Variants in COL4A2 observed in about 807,000 individuals in gnomAD.
COL4A2 encodes the protein collagen type IV alpha 2 chain.
In COL4A2, 99 loss-of-function variants were observed where a neutral mutation model predicts 200.2. The ratio of observed to expected loss-of-function variants is 0.49; its 90% CI spans 0.42 to 0.58. COL4A2 has a LOEUF of 0.58. COL4A2 is among the 20% of genes least tolerant of loss of function. COL4A2 has a pLI of 0.00. For missense variants in COL4A2, 1,950 were observed against 2,314.1 expected (o/e 0.84, Z 3.23); for synonymous variants, 897 against 900.6 (o/e 1.00, Z 0.07).
chr13:110,492,695 A>G (rs1353253982), intron 38 of COL4A2, among the ~76,000 whole-genome samples: 1 of 152,262 alleles, frequency 6.6e-6, no homozygotes, highest in Non-Finnish European at 1.5e-5. Flanking sequence ...TGTTCCAAGC[A>G]GCTTTTACAA....
chr13:110,450,774 A>C (rs906579085), intron 20 of COL4A2, among the ~76,000 whole-genome samples: 3 of 152,160 alleles, frequency 2.0e-5, no homozygotes, highest in Admixed American at 6.5e-5. Context: ...CAGTCTGGAA[A>C]CAGATGTGAG....
chr13:110,465,861 C>T (rs930046265), intron 25 of COL4A2, 142 bp from the exon 26 acceptor site: 6 of 1,050,612 alleles, frequency 5.7e-6, no homozygotes, highest in South Asian at 3.3e-5. Context: ...ATGGCTTTCC[C>T]GTTCCCTGCC....
intron 4 of COL4A2, among the ~76,000 whole-genome samples, chr13:110,407,233 C>T (rs1879607445): frequency 6.6e-6 from 1 of 152,214 alleles, no homozygotes; most frequent in Admixed American, 6.5e-5. Context: ...GTGGGAGAGT[C>T]CAACCCTGCA....
chr13:110,503,352 T>G, intron 42 of COL4A2, 31 bp from the exon 43 acceptor site: 3 of 1,590,006 alleles, frequency 1.9e-6, no homozygotes, highest in African/African-American at 1.4e-5. Context: ...CCACAGACTT[T>G]CGTGTCCCTA....
At chr13:110,408,054 G>A (rs1431865052) in intron 4 of COL4A2, among the ~76,000 whole-genome samples, 2 of 152,340 alleles carry the variant, frequency 1.3e-5, no homozygotes, top group South Asian at 2.1e-4. Context: ...AAGCCGTTTG[G>A]TGTGAATGAA....
chr13:110,409,816 C>A (rs1594198379), intron 4 of COL4A2, among the ~76,000 whole-genome samples: 3 of 152,150 alleles, frequency 2.0e-5, no homozygotes, highest in African/African-American at 7.2e-5. Flanking sequence ...GTTCAGCATT[C>A]GCCCAAATAA....
At chr13:110,328,700 C>G (rs1875760718) in intron 3 of COL4A2, among the ~76,000 whole-genome samples, 1 of 152,156 alleles carries the variant, frequency 6.6e-6, no homozygotes, top group South Asian at 2.1e-4. Context: ...GAAGGTGATC[C>G]AGGGGCCCAG....
At chr13:110,471,967 G>T (rs1882485900) in intron 28 of COL4A2, among the ~76,000 whole-genome samples, 1 of 152,086 alleles carries the variant, frequency 6.6e-6, no homozygotes. Flanking sequence ...TCAGCTGTGG[G>T]AGTTCATTCT....
chr13:110,498,015 G>A (rs960935749), intron 40 of COL4A2, among the ~76,000 whole-genome samples: 2 of 150,946 alleles, frequency 1.3e-5, no homozygotes, highest in Non-Finnish European at 1.5e-5. Flanking sequence ...TGAGGATCTG[G>A]GGTCAGTCCA....
intron 6 of COL4A2, among the ~76,000 whole-genome samples, chr13:110,427,401 C>T (rs1345367169): frequency 6.6e-6 from 1 of 152,184 alleles, no homozygotes; most frequent in Non-Finnish European, 1.5e-5. Flanking sequence ...CCACCTGCCT[C>T]AGCCTCCCAA....
At chr13:110,370,862 T>G (rs191592548) in intron 4 of COL4A2, among the ~76,000 whole-genome samples, 213 of 152,368 alleles carry the variant, frequency 1.4e-3, no homozygotes, top group Non-Finnish European at 2.1e-3. Context: ...CTAGTATTTT[T>G]GGGACTTTAT....
intron 4 of COL4A2, among the ~76,000 whole-genome samples, chr13:110,369,491 AC>A (rs1366808059): frequency 6.6e-6 from 1 of 152,156 alleles, no homozygotes; most frequent in South Asian, 2.1e-4. Flanking sequence ...AGGAGCACTC[AC>A]CCTCTGATGA....
chr13:110,395,249 GCCAGTT>G (rs1166238961), intron 4 of COL4A2, among the ~76,000 whole-genome samples: 1 of 152,212 alleles, frequency 6.6e-6, no homozygotes, highest in African/African-American at 2.4e-5. Flanking sequence ...GTCCAGCAAA[GCCAGTT>G]CCCTTCAACA....
intron 21 of COL4A2, chr13:110,457,755 G>T: frequency 2.0e-6 from 1 of 506,600 alleles, no homozygotes; most frequent in Non-Finnish European, 4.0e-6. Flanking sequence ...TTCTTAGGCT[G>T]CACTCAGGTA....
intron 24 of COL4A2, 81 bp from the exon 25 acceptor site, chr13:110,465,324 A>C: frequency 6.7e-7 from 1 of 1,490,566 alleles, no homozygotes; most frequent in South Asian, 1.4e-5. Flanking sequence ...GAATTCCGGG[A>C]AATGGGAAAG....
Position 110,457,299 on chromosome 13 carries a change from G to A in COL4A2, c.1340-44G>A, listed in dbSNP as rs1367954052. On this transcript the variant is annotated intron_variant, in intron 20 of 47. Coordinates refer to ENST00000360467, the MANE Select transcript of COL4A2 (RefSeq NM_001846.4). ...GCCCTGCGTCTGCGTGGGACCCCAGGCGTCCGTGGGGCTCATGCCCTGCAT... is the reference window on the plus strand; with the variant it reads ...GCCCTGCGTCTGCGTGGGACCCCAGACGTCCGTGGGGCTCATGCCCTGCAT... 15 of 1,176,062 alleles carry A rather than the reference G, an allele frequency of 1.3e-5. No homozygotes were observed. In the East Asian group the frequency reaches 3.3e-4, roughly 26 times the overall value. The allele number at this position is 1,176,062 out of a possible 1,614,324, so 72.9% of individuals were successfully genotyped here. A position where few individuals can be genotyped will look rare whatever the true frequency, so the allele number is the denominator to read the frequency against.
At position 110,424,775 on chromosome 13, in the gene COL4A2, A is replaced by T; in HGVS notation, c.222A>T (p.Pro74=). The change falls in exon 5 of 48, where the codon CCA becomes CCT. Residue 74 remains proline (P), a synonymous_variant. Transcript: ENST00000360467. ...TGGGCCCCCAGGGGTACAATGGGCCACCAGGATTACAAGGATTCCCGGGAC... is the reference window on the plus strand; with the variant it reads ...TGGGCCCCCAGGGGTACAATGGGCCTCCAGGATTACAAGGATTCCCGGGAC... ...GPVGPQGYNG[P]PGLQGFPGLQ... The T allele has an allele frequency of 1.2e-6, 2 of 1,612,378 alleles. No homozygotes were observed. The highest frequency in any genetic ancestry group is 1.1e-5 in the South Asian group (1 of 91,020).
chr13:110,341,291 T>C (rs776233374), intron 3 of COL4A2, among the ~76,000 whole-genome samples: 3 of 152,238 alleles, frequency 2.0e-5, no homozygotes, highest in Non-Finnish European at 4.4e-5. Context: ...CTTTCTGTCA[T>C]GTTCCCACCC....
chr13:110,343,240 G>A (rs1241892163), intron 3 of COL4A2, among the ~76,000 whole-genome samples: 1 of 152,134 alleles, frequency 6.6e-6, no homozygotes, highest in Non-Finnish European at 1.5e-5. Flanking sequence ...GAAATATCCA[G>A]GTAGATAATC....
Sources: allele counts gnomAD v4.1 joint callset (sites outside exome capture counted in the v4.1 genomes callset), GRCh38; gene constraint gnomAD v4.1.1; transcripts MANE v1.5; gene names NCBI Gene and HGNC (gene_info 2026-07-23, HGNC 2026-07-21).